The following RETREG3 variants were observed in gnomAD, a reference collection of about 807,000 sequenced individuals.
The protein encoded by RETREG3 is reticulophagy regulator 3.
Under a neutral mutation model 50.2 loss-of-function variants are expected in RETREG3, and 23 were observed. The ratio of observed to expected loss-of-function variants is 0.46; its 90% CI spans 0.33 to 0.65. The LOEUF (loss-of-function observed/expected upper bound fraction) is 0.65. Among genes scored for constraint, RETREG3 ranks in the 30% least tolerant of loss-of-function variants. RETREG3 has a pLI of 0.02. For synonymous variants in RETREG3, 240 were observed against 234.4 expected, an observed-to-expected ratio of 1.02 and a Z score of -0.22; for missense variants, 546 against 598.0, an observed-to-expected ratio of 0.91 and a Z score of 0.91.
In RETREG3 at chr17:42,592,165, A is replaced by G; in HGVS notation, c.240-3T>C. 6.2e-7 allele frequency: 1 copy of G among 1,611,846 alleles called. No homozygotes were observed. The highest frequency in any genetic ancestry group is 8.5e-7 in the Non-Finnish European group (1 of 1,178,802). On this transcript the variant is annotated splice_region_variant and splice_polypyrimidine_tract_variant and intron_variant, in intron 1 of 8. Coordinates refer to ENST00000309428, the MANE Select transcript of RETREG3 (RefSeq NM_178126.4). ...GAAGAGATGTCAGGGCAAAAAACCT[A>G]CAGAGGAAGAAAAACAGAAGAAAGA...
At chr17:42,586,442 AACACAC>A in intron 4 of RETREG3, 1 of 419,974 alleles carries the variant, frequency 2.4e-6, no homozygotes, top group Non-Finnish European at 4.3e-6. Flanking sequence ...AGTCAACAGA[AACACAC>A]ACAAAACCCA....
chr17:42,582,276 G>A lies in RETREG3; in HGVS notation c.944-6C>T. The A allele has an allele frequency of 6.3e-7, 1 of 1,598,388 alleles. No homozygotes were observed. Among genetic ancestry groups the A allele is most frequent in the African/African-American group, 1.3e-5 (1 of 75,000 alleles). On this transcript the variant is annotated splice_region_variant and splice_polypyrimidine_tract_variant and intron_variant, in intron 8 of 8. Transcript: ENST00000309428. ...ATCACTGTGACCATCTAGGTCTGGT[G>A]GAATACAGAAGTGTCTGAGTCATGG...
chr17:42,596,359 C>CAAAAAAAAAAAAAAAAAAA (rs60457978), intron 1 of RETREG3, among the ~76,000 whole-genome samples: 1 of 64,728 alleles, frequency 1.5e-5, no homozygotes, highest in African/African-American at 6.6e-5. Context: ...GACCCTTTCT[C>CAAAAAAAAAAAAAAAAAAA]AAAAAAAAAA....
chr17:42,586,114 T>G lies in RETREG3; in HGVS notation c.528A>C (p.Ile176=). The G allele has an allele frequency of 1.2e-6, 2 of 1,613,996 alleles. No homozygotes were observed. Among genetic ancestry groups the G allele is most frequent in the Admixed American group, 3.3e-5 (2 of 59,996 alleles). ...GGCCCAAGACAGCCAAAAAGGTCAGTATCCCACAGCTCAGCAAGCAGAACT... is the reference window on the plus strand; with the variant it reads ...GGCCCAAGACAGCCAAAAAGGTCAGGATCCCACAGCTCAGCAAGCAGAACT... ...PGKFCLLSCG[I]LTFLAVLGRY... Residue 176 remains isoleucine (I), a synonymous_variant, in exon 5 of 9, where the codon ATA becomes ATC. Transcript: ENST00000309428.
intron 1 of RETREG3, among the ~76,000 whole-genome samples, chr17:42,597,564 A>C (rs1349525601): frequency 9.4e-6 from 1 of 106,432 alleles, no homozygotes; most frequent in Non-Finnish European, 1.8e-5. Context: ...ATTTTTGTGT[A>C]TATATATATT....
chr17:42,586,339 C>T (rs2143379184), intron 4 of RETREG3: 4 of 564,578 alleles, frequency 7.1e-6, no homozygotes, highest in South Asian at 6.4e-5. Context: ...CATGGCTAAC[C>T]CCATAGGGCT....
At chr17:42,592,823 G>C (rs2093135807) in intron 1 of RETREG3, among the ~76,000 whole-genome samples, 1 of 152,022 alleles carries the variant, frequency 6.6e-6, no homozygotes, top group Non-Finnish European at 1.5e-5. Flanking sequence ...GTGGTGGTGT[G>C]CACCTGTAAT....
Position 42,582,123 on chromosome 17 carries a change from G to A in RETREG3, c.1091C>T (p.Ala364Val), listed in dbSNP as rs904391774. 3 of 1,614,126 alleles carry A rather than the reference G, an allele frequency of 1.9e-6. No homozygotes were observed. Residue 364 changes from alanine (A) to valine (V), a missense_variant, in exon 9 of 9, where the codon GCT becomes GTT. By Grantham distance (64) the Ala-to-Val change is moderately conservative (BLOSUM62 0). Coordinates refer to ENST00000309428, the MANE Select transcript of RETREG3 (RefSeq NM_178126.4). ...GGCAGGTGGGGCCTGGGGCTCCTCA[G>A]CCCCTGGCGGAGAACGGTACATCAA... ...PSLMYRSPPG[A>V]EEPQAPPASR...
chr17:42,607,239 C>G (rs2093169371), intron 1 of RETREG3, among the ~76,000 whole-genome samples: 1 of 151,940 alleles, frequency 6.6e-6, no homozygotes, highest in Non-Finnish European at 1.5e-5. Flanking sequence ...TGGCTCATGC[C>G]TATAATCCCA....
intron 1 of RETREG3, among the ~76,000 whole-genome samples, chr17:42,597,503 GTGT>G (rs2093147773): frequency 8.8e-6 from 1 of 113,464 alleles, no homozygotes; most frequent in East Asian, 2.6e-4. Flanking sequence ...TATTTTGTGT[GTGT>G]GTGTGTGTGT....
chr17:42,587,027 A>G, intron 3 of RETREG3, 136 bp from the exon 4 acceptor site: 1 of 1,199,950 alleles, frequency 8.3e-7, no homozygotes, highest in Non-Finnish European at 1.2e-6. Flanking sequence ...GAGGTGAAGC[A>G]TGACTTTCTT....
In RETREG3 at chr17:42,587,201, C is replaced by T. The variant is rs370517507; in HGVS notation, c.378-310G>A. On this transcript the variant is annotated intron_variant, in intron 3 of 8. Transcript: ENST00000309428. ...TTTTCTTCCTTGCACTCAGACCATT[C>T]CAATTCCCTGTGATTGCAATCCAGG... 9.2e-5 allele frequency among the ~76,000 whole-genome samples: 14 copies of T among 152,332 alleles called. No individual in the cohort carries two copies. The South Asian group carries it at 2.7e-3, about 29-fold the overall frequency.
Position 42,584,815 on chromosome 17 carries a change from C to CA in RETREG3, c.727+309dup, listed in dbSNP as rs71157643. On this transcript the variant is annotated intron_variant, in intron 6 of 8. Coordinates refer to ENST00000309428, the MANE Select transcript of RETREG3 (RefSeq NM_178126.4). ...TGGGAAACAGAATGAGACCCTGTCT[C>CA]AAAAAAAAAAAAAAAAAAAAAACAA... 2.5e-3 allele frequency among the ~76,000 whole-genome samples: 206 copies of CA among 82,522 alleles called. 3 individuals carry two copies. Among genetic ancestry groups the CA allele is most frequent in the Admixed American group, 2.6e-3 (18 of 7,056 alleles). 54.1% of individuals were successfully genotyped at this position (82,522 alleles called of 152,430 possible). A position where few individuals can be genotyped will look rare whatever the true frequency, so the allele number is the denominator to read the frequency against.
chr17:42,581,885 C>T lies in RETREG3; in HGVS notation c.1329G>A (p.Glu443=). 1.2e-6 allele frequency: 2 copies of T among 1,613,824 alleles called. No individual in the cohort carries two copies. The highest frequency in any genetic ancestry group is 1.7e-6 in the Non-Finnish European group (2 of 1,179,750). The change falls in exon 9 of 9, where the codon GAG becomes GAA. Residue 443 remains glutamate, a synonymous_variant. Transcript: ENST00000309428. ...GGTCCAGAAGTTCAAAGTCATCCCC[C>T]TCAGCATCAGTGTCCAGGTCTGAAC... is the stretch of plus-strand genomic sequence containing the variant. The part of the protein sequence containing the change: ...SPSSDLDTDA[E]GDDFELLDQS...
At chr17:42,592,028 A>C in intron 2 of RETREG3, 28 bp downstream of exon 2, 1 of 1,575,706 alleles carries the variant, frequency 6.3e-7, no homozygotes, top group Non-Finnish European at 8.7e-7. Context: ...TCTTCAGTTC[A>C]GATTGTTCTA....
At chr17:42,587,079 G>T (rs1366103471) in intron 3 of RETREG3, 188 bp from the exon 4 acceptor site, 3 of 730,292 alleles carry the variant, frequency 4.1e-6, no homozygotes, top group African/African-American at 3.6e-5. Flanking sequence ...GTACAAGGAG[G>T]ACAAACTTGT....
rs551752506 is a variant in RETREG3 at position 42,590,644 on chromosome 17, C to T, written c.346+1412G>A. ...CCATGATTGCGCCACTGCACTCCAG[C>T]CTGGGTGACAGACCAAGACTCTGTC... On this transcript the variant is annotated intron_variant, in intron 2 of 8. Transcript: ENST00000309428. 8.6e-4 allele frequency among the ~76,000 whole-genome samples: 130 copies of T among 151,940 alleles called. 1 individual carries two copies. The highest frequency in any genetic ancestry group is 6.6e-4 in the Non-Finnish European group (45 of 67,962).
At chr17:42,602,626 C>G (rs2093160699) in intron 1 of RETREG3, among the ~76,000 whole-genome samples, 1 of 151,992 alleles carries the variant, frequency 6.6e-6, no homozygotes, top group African/African-American at 2.4e-5. Flanking sequence ...CCATATTTTC[C>G]CCAGAATTAA....
rs201011101 is a variant in RETREG3 at position 42,609,354 on chromosome 17, C to G, written c.-30G>C. ...CCGCGGCAGCCACAACATCCGGGGC[C>G]GTGGCCCGACAAGTCACAATAACAG... On this transcript the variant is annotated 5_prime_UTR_variant, in exon 1 of 9. Transcript: ENST00000309428. The G allele has an allele frequency of 6.3e-7, 1 of 1,578,006 alleles. No individual in the cohort carries two copies. Among genetic ancestry groups the G allele is most frequent in the South Asian group, 1.1e-5 (1 of 89,472 alleles).
Sources: gnomAD v4.1 joint callset for allele counts (sites outside exome capture counted in the v4.1 genomes callset) on GRCh38, gnomAD v4.1.1 for gene constraint, MANE v1.5 for transcripts, NCBI Gene and HGNC (gene_info 2026-07-23, HGNC 2026-07-21) for gene names.